Variants in SESTD1 observed in about 807,000 individuals in gnomAD.
The protein encoded by SESTD1 is SEC14 and spectrin domain containing 1, also known as SEC14 domain and spectrin repeat-containing protein 1.
SESTD1 carries 43 observed loss-of-function variants against 101.7 expected under a neutral mutation model. That is an observed-to-expected ratio of 0.42 (90% CI 0.33 to 0.55). The LOEUF (loss-of-function observed/expected upper bound fraction) is 0.55, where lower values mean the gene tolerates loss of function less well. Among genes scored for constraint, SESTD1 ranks in the 20% least tolerant of loss-of-function variants. The pLI is 0.07. For missense variants in SESTD1, 647 were observed against 815.1 expected (o/e 0.79, Z 2.51); for synonymous variants, 283 against 286.8 (o/e 0.99, Z 0.13).
At chr2:179,114,493 C>A (rs2044584025) in intron 16 of SESTD1, among the ~76,000 whole-genome samples, 2 of 152,086 alleles carry the variant, frequency 1.3e-5, no homozygotes. Context: ...GAAAAAAGTT[C>A]TATTGAAAAT....
At chr2:179,206,509 C>T (rs1456136563) in intron 1 of SESTD1, among the ~76,000 whole-genome samples, 1 of 135,574 alleles carries the variant, frequency 7.4e-6, no homozygotes, top group African/African-American at 2.9e-5. Flanking sequence ...CACTCCTGGT[C>T]CCCAGCATGA....
At chr2:179,261,921 G>C (rs529692831) in intron 1 of SESTD1, among the ~76,000 whole-genome samples, 1 of 152,228 alleles carries the variant, frequency 6.6e-6, no homozygotes, top group African/African-American at 2.4e-5. Context: ...ACTTGTAAAT[G>C]AGTATCCACA....
chr2:179,174,197 T>C (rs570924346), intron 4 of SESTD1, among the ~76,000 whole-genome samples: 4 of 152,294 alleles, frequency 2.6e-5, no homozygotes, highest in African/African-American at 7.2e-5. Context: ...ATACCAGTTA[T>C]AGGCACTGTG....
At chr2:179,247,853 G>A (rs2047256806) in intron 1 of SESTD1, among the ~76,000 whole-genome samples, 1 of 151,842 alleles carries the variant, frequency 6.6e-6, no homozygotes, top group Non-Finnish European at 1.5e-5. Context: ...AGCCAAACAG[G>A]AAGTCTCAAG....
intron 8 of SESTD1, 63 bp from the exon 9 acceptor site, chr2:179,143,866 T>A: frequency 6.5e-7 from 1 of 1,540,020 alleles, no homozygotes; most frequent in Non-Finnish European, 8.8e-7. Flanking sequence ...CACTTCTCAA[T>A]ATTCCCAATT....
intron 1 of SESTD1, among the ~76,000 whole-genome samples, chr2:179,225,991 T>C (rs990275252): frequency 6.6e-6 from 1 of 152,162 alleles, no homozygotes; most frequent in African/African-American, 2.4e-5. Context: ...TTATTGATAA[T>C]TGTTAAAAAT....
chr2:179,130,242 A>G (rs2044979207), intron 10 of SESTD1, among the ~76,000 whole-genome samples: 2 of 152,148 alleles, frequency 1.3e-5, no homozygotes, highest in South Asian at 4.1e-4. Flanking sequence ...TGTCTTAACA[A>G]TAGTCCAACT....
rs558047646 is a variant in SESTD1, at chr2:179,196,868, A to C, written c.-25-5002T>G. 5.4e-3 allele frequency among the ~76,000 whole-genome samples: 818 copies of C among 152,344 alleles called. 6 individuals are homozygous for C. The highest frequency in any genetic ancestry group is 0.019 in the African/African-American group (772 of 41,576). Reference sequence around the variant, plus strand: ...CCACAAAGATGGGGAAAAAACAGAGAAGAAAAACGGGAAACTCTGAAAAGC... The same window carrying C: ...CCACAAAGATGGGGAAAAAACAGAGCAGAAAAACGGGAAACTCTGAAAAGC... On this transcript the variant is annotated intron_variant, in intron 1 of 17. Transcript: ENST00000428443.
At chr2:179,241,646 G>A (rs1321629172) in intron 1 of SESTD1, among the ~76,000 whole-genome samples, 1 of 152,032 alleles carries the variant, frequency 6.6e-6, no homozygotes, top group Non-Finnish European at 1.5e-5. Flanking sequence ...TTTAGGGCCG[G>A]GCACAGTGGC....
Position 179,257,407 on chromosome 2 carries a change from G to A in SESTD1, c.-26+7092C>T, listed in dbSNP as rs181240739. 1.0e-3 allele frequency among the ~76,000 whole-genome samples: 153 copies of A among 152,272 alleles called. No homozygotes were observed. The South Asian group carries it at 0.013, about 13-fold the overall frequency. The stretch of plus-strand genomic sequence containing the variant: ...AAAGTATTTTTAAATGAAGATATAC[G>A]TAGATCATTTTTTAGACATAATTCT... On this transcript the variant is annotated intron_variant, in intron 1 of 17. Transcript: ENST00000428443.
chr2:179,115,261 A>C lies in SESTD1; in HGVS notation c.1648-5T>G. On this transcript the variant is annotated splice_region_variant and splice_polypyrimidine_tract_variant and intron_variant, in intron 15 of 17. Transcript: ENST00000428443. ...CCTGCCATAGTCATAAGTGCTCTAA[A>C]AAAGAAAAGGAAACATAAAATTGTA... is the stretch of plus-strand genomic sequence containing the variant. 6.4e-7 allele frequency: 1 copy of C among 1,565,260 alleles called. No homozygotes were observed. The highest frequency in any genetic ancestry group is 8.6e-7 in the Non-Finnish European group (1 of 1,161,574).
intron 1 of SESTD1, among the ~76,000 whole-genome samples, chr2:179,262,086 A>G (rs2047490767): frequency 6.6e-6 from 1 of 152,180 alleles, no homozygotes. Context: ...TAAACCCTGA[A>G]AGCATTATGT....
intron 5 of SESTD1, among the ~76,000 whole-genome samples, chr2:179,159,536 C>A (rs551821093): frequency 8.5e-5 from 13 of 152,246 alleles, no homozygotes; most frequent in African/African-American, 2.4e-4. Context: ...GTAGAGATTT[C>A]TAGATGTTTG....
At chr2:179,240,867 G>A (rs1203389314) in intron 1 of SESTD1, among the ~76,000 whole-genome samples, 2 of 152,112 alleles carry the variant, frequency 1.3e-5, no homozygotes, top group Non-Finnish European at 2.9e-5. Flanking sequence ...TGTGAGTGGA[G>A]CCCAGTGGAG....
At chr2:179,128,746 A>AG (rs1250611834) in intron 10 of SESTD1, among the ~76,000 whole-genome samples, 3 of 150,982 alleles carry the variant, frequency 2.0e-5, no homozygotes, top group African/African-American at 7.3e-5. Flanking sequence ...AAAAAAGAAA[A>AG]GAAAAAAAAA....
chr2:179,141,757 T>C (rs965087109), intron 9 of SESTD1, among the ~76,000 whole-genome samples: 1 of 152,022 alleles, frequency 6.6e-6, no homozygotes, highest in Non-Finnish European at 1.5e-5. Flanking sequence ...TTCAGATTAT[T>C]TGGGTTCAGA....
At chr2:179,135,187 C>T (rs1312653188) in intron 9 of SESTD1, among the ~76,000 whole-genome samples, 2 of 152,136 alleles carry the variant, frequency 1.3e-5, no homozygotes, top group Non-Finnish European at 2.9e-5. Context: ...TCGTGATGCA[C>T]CTGCCTCGGC....
At chr2:179,182,515 T>C (rs6753974) in intron 3 of SESTD1, among the ~76,000 whole-genome samples, 81,631 of 151,832 alleles carry the variant, frequency 0.54, 23,168 homozygotes, top group East Asian at 0.79. Flanking sequence ...GAGAAGCAGA[T>C]GGGGAGGAAG....
At chr2:179,205,026 T>C (rs939795392) in intron 1 of SESTD1, among the ~76,000 whole-genome samples, 2 of 134,966 alleles carry the variant, frequency 1.5e-5, no homozygotes, top group Admixed American at 7.2e-5. Context: ...TCCTATTTTT[T>C]TGAACTTATT....
Sources: allele counts gnomAD v4.1 joint callset (sites outside exome capture counted in the v4.1 genomes callset), GRCh38; gene constraint gnomAD v4.1.1; transcripts MANE v1.5; gene names NCBI Gene and HGNC (gene_info 2026-07-23, HGNC 2026-07-21).